TENM3: variants seen among roughly 807,000 people sequenced by gnomAD.
TENM3 encodes teneurin transmembrane protein 3.
In TENM3, 63 loss-of-function variants were observed where a neutral mutation model predicts 255.1. That is an observed-to-expected ratio of 0.25 (90% confidence interval 0.20 to 0.30). The LOEUF (loss-of-function observed/expected upper bound fraction) is 0.30, where lower values mean the gene tolerates loss of function less well. Among genes scored for constraint, TENM3 ranks in the 10% least tolerant of loss-of-function variants. TENM3 has a pLI of 1.00. For synonymous variants in TENM3, 1,306 were observed against 1,322.3 expected, an observed-to-expected ratio of 0.99 and a Z score of 0.27; for missense variants, 2,929 against 3,461.1, an observed-to-expected ratio of 0.85 and a Z score of 3.86.
intron 2 of TENM3, among the ~76,000 whole-genome samples, chr4:182,335,200 G>A (rs1764025340): frequency 7.1e-6 from 1 of 141,338 alleles, no homozygotes; most frequent in South Asian, 2.4e-4. Context: ...ATACTTAGCT[G>A]CACAAGAAGA....
chr4:181,744,918 C>T, the TENM3 span, among the ~76,000 whole-genome samples: 5 of 152,122 alleles, frequency 3.3e-5, no homozygotes, highest in African/African-American at 7.2e-5. Context: ...GTTTTAGATG[C>T]CTCTTAGATT....
chr4:182,732,964 G>A (rs1760891139), intron 16 of TENM3, among the ~76,000 whole-genome samples: 1 of 152,164 alleles, frequency 6.6e-6, no homozygotes, highest in Non-Finnish European at 1.5e-5. Context: ...TCTGTAGCAG[G>A]CGCTGTTATG....
chr4:182,137,969 G>GT, the TENM3 span, among the ~76,000 whole-genome samples: 1 of 152,160 alleles, frequency 6.6e-6, no homozygotes, highest in Non-Finnish European at 1.5e-5. Context: ...ATTATTTTGT[G>GT]TAAGTCCTGA....
intron 1 of TENM3, among the ~76,000 whole-genome samples, chr4:182,165,291 A>T (rs1311389668): frequency 6.6e-6 from 1 of 152,172 alleles, no homozygotes; most frequent in Non-Finnish European, 1.5e-5. Flanking sequence ...TGTTGTAAGG[A>T]TGCATTAGGG....
At chr4:181,764,889 C>T in the TENM3 span, among the ~76,000 whole-genome samples, 1 of 151,920 alleles carries the variant, frequency 6.6e-6, no homozygotes, top group East Asian at 1.9e-4. Context: ...GGAAAGAGGT[C>T]TCACTGTCTT....
intron 12 of TENM3, among the ~76,000 whole-genome samples, chr4:182,705,276 T>G (rs1000693480): frequency 2.6e-5 from 4 of 152,234 alleles, no homozygotes; most frequent in South Asian, 2.1e-4. Context: ...GAGTCATTTT[T>G]TAAGTCCGTG....
intron 1 of TENM3, among the ~76,000 whole-genome samples, chr4:182,214,644 A>T (rs1162180150): frequency 6.6e-6 from 1 of 151,770 alleles, no homozygotes; most frequent in Non-Finnish European, 1.5e-5. Context: ...GGGATTATAG[A>T]TGTGAGCCCC....
chr4:182,303,263 T>A (rs1761948812), intron 1 of TENM3, among the ~76,000 whole-genome samples: 1 of 152,246 alleles, frequency 6.6e-6, no homozygotes, highest in Admixed American at 6.5e-5. Context: ...TTATTTGCAT[T>A]TGCTCTAATG....
chr4:182,448,361 G>T (rs1773110043), intron 3 of TENM3, among the ~76,000 whole-genome samples: 1 of 152,158 alleles, frequency 6.6e-6, no homozygotes, highest in African/African-American at 2.4e-5. Context: ...GCCAGGCTGG[G>T]GGCCCTGCGA....
chr4:181,485,511 A>G, the TENM3 span, among the ~76,000 whole-genome samples: 1 of 152,044 alleles, frequency 6.6e-6, no homozygotes, highest in South Asian at 2.1e-4. Context: ...TATCACTTTG[A>G]TTTTTCATTT....
At chr4:181,785,302 G>A in the TENM3 span, among the ~76,000 whole-genome samples, 1 of 152,142 alleles carries the variant, frequency 6.6e-6, no homozygotes, top group African/African-American at 2.4e-5. Context: ...CAGAAAGGGT[G>A]GAATGGTAAT....
At chr4:181,648,676 A>G in the TENM3 span, among the ~76,000 whole-genome samples, 1 of 152,188 alleles carries the variant, frequency 6.6e-6, no homozygotes, top group Non-Finnish European at 1.5e-5. Context: ...GGGAGCATTC[A>G]GTTGTTAAGG....
At chr4:182,078,687 C>G in the TENM3 span, among the ~76,000 whole-genome samples, 97,954 of 152,026 alleles carry the variant, frequency 0.64, 32,899 homozygotes, top group Non-Finnish European at 0.74. Context: ...AGGCCAGTTG[C>G]TATGCTACTG....
chr4:182,128,860 G>A, the TENM3 span, among the ~76,000 whole-genome samples: 2 of 152,274 alleles, frequency 1.3e-5, no homozygotes, highest in Admixed American at 1.3e-4. Flanking sequence ...CATTACAGAA[G>A]TTGGTTTGTT....
intron 3 of TENM3, among the ~76,000 whole-genome samples, chr4:182,366,202 T>C (rs542183593): frequency 1.1e-4 from 16 of 152,072 alleles, no homozygotes; most frequent in Non-Finnish European, 1.9e-4. Context: ...ATTTTCCTGT[T>C]TGACTTTGTT....
the TENM3 span, among the ~76,000 whole-genome samples, chr4:182,050,650 A>G: frequency 6.6e-6 from 1 of 152,108 alleles, no homozygotes; most frequent in Non-Finnish European, 1.5e-5. Context: ...CTAAAAATAC[A>G]AACACTAGCC....
At chr4:182,335,212 A>G (rs60016435) in intron 2 of TENM3, among the ~76,000 whole-genome samples, 43,855 of 147,046 alleles carry the variant, frequency 0.3, 6,975 homozygotes, top group Non-Finnish European at 0.36. Flanking sequence ...ACAAGAAGAC[A>G]AAGCGGCCGG....
At chr4:181,729,596 A>G in the TENM3 span, among the ~76,000 whole-genome samples, 1 of 152,212 alleles carries the variant, frequency 6.6e-6, no homozygotes, top group Admixed American at 6.5e-5. Flanking sequence ...TTAAATTACA[A>G]TGAAAACCCC....
intron 3 of TENM3, among the ~76,000 whole-genome samples, chr4:182,586,556 G>A (rs937367474): frequency 5.9e-5 from 9 of 152,164 alleles, no homozygotes; most frequent in East Asian, 1.9e-4. Context: ...GCAAATACAC[G>A]TCTATGGTAG....
Sources: gnomAD v4.1 joint callset for allele counts (sites outside exome capture counted in the v4.1 genomes callset) on GRCh38, gnomAD v4.1.1 for gene constraint, MANE v1.5 for transcripts, NCBI Gene and HGNC (gene_info 2026-07-23, HGNC 2026-07-21) for gene names.